PLB1: variants seen among roughly 807,000 people sequenced by gnomAD.
PLB1 encodes the protein phospholipase B1.
Under a neutral mutation model 227.4 loss-of-function variants are expected in PLB1, and 242 were observed. The observed-to-expected ratio is 1.06, with a 90% confidence interval of 0.96 to 1.18. The LOEUF is 1.18. Among genes scored for constraint, PLB1 ranks in the 50% most tolerant of loss-of-function variants. The probability of loss-of-function intolerance (pLI) is 0.00; values close to 1 mark genes in which losing one functional copy is unlikely to be tolerated. For synonymous variants in PLB1, 757 were observed against 682.2 expected (o/e 1.11, Z -1.71); for missense variants, 1,858 against 1,816.3 (o/e 1.02, Z -0.42).
intron 9 of PLB1, among the ~76,000 whole-genome samples, chr2:28,534,616 G>A (rs1223455776): frequency 1.3e-5 from 2 of 152,214 alleles, no homozygotes; most frequent in African/African-American, 4.8e-5. Context: ...AGCACTTTAG[G>A]AGGCCGAGGC....
At chr2:28,572,551 G>A (rs2091506) in intron 20 of PLB1, among the ~76,000 whole-genome samples, 115,006 of 152,170 alleles carry the variant, frequency 0.76, 44,362 homozygotes, top group Non-Finnish European at 0.83. Context: ...TATCCATCCA[G>A]TGGAATATCA....
chr2:28,608,504 C>A (rs1447285679), intron 43 of PLB1, among the ~76,000 whole-genome samples: 1 of 152,214 alleles, frequency 6.6e-6, no homozygotes, highest in Non-Finnish European at 1.5e-5. Context: ...AGTCTAACTG[C>A]TCATACGTTC....
intron 14 of PLB1, among the ~76,000 whole-genome samples, chr2:28,545,323 G>A (rs945387590): frequency 6.6e-6 from 1 of 152,200 alleles, no homozygotes; most frequent in African/African-American, 2.4e-5. Flanking sequence ...AGACAGGATA[G>A]GAGGGGGTTC....
intron 18 of PLB1, among the ~76,000 whole-genome samples, chr2:28,564,937 T>TA (rs1489340441): frequency 6.6e-6 from 1 of 152,190 alleles, no homozygotes; most frequent in African/African-American, 2.4e-5. Flanking sequence ...TTCACAACTT[T>TA]AAAAAAATGA....
chr2:28,593,130 T>C (rs1682275997), intron 32 of PLB1, among the ~76,000 whole-genome samples: 1 of 152,210 alleles, frequency 6.6e-6, no homozygotes, highest in Non-Finnish European at 1.5e-5. Flanking sequence ...TCCTTAGTTG[T>C]GGATGAAGCT....
chr2:28,562,903 C>CT, intron 17 of PLB1, 138 bp from the exon 18 acceptor site: 1 of 787,832 alleles, frequency 1.3e-6, no homozygotes. Context: ...TTTTTCCTAT[C>CT]TTTTATCCAA....
At chr2:28,552,255 T>C (rs1572924999) in intron 16 of PLB1, among the ~76,000 whole-genome samples, 1 of 151,960 alleles carries the variant, frequency 6.6e-6, no homozygotes, top group Non-Finnish European at 1.5e-5. Context: ...CTGAGGCAGA[T>C]TGATGGGAGG....
At position 28,630,630 on chromosome 2, in the gene PLB1, A is replaced by T. The variant is rs1477995778; in HGVS notation, c.3863A>T (p.Lys1288Met). 1.2e-6 allele frequency: 2 copies of T among 1,613,658 alleles called. No individual in the cohort carries two copies. The highest frequency in any genetic ancestry group is 1.7e-6 in the Non-Finnish European group (2 of 1,179,800). ...AGACACTCGCAAAGCTCCCTGGAGA[A>T]GCAAGAACTGAAGAAAGTGAACTGG... ...CLRHSQSSLE[K>M]QELKKVNWNL... Residue 1288 changes from lysine to methionine, a missense_variant, in exon 54 of 58, where the codon AAG becomes ATG. Coordinates refer to ENST00000327757, the MANE Select transcript of PLB1 (RefSeq NM_153021.5).
chr2:28,542,146 A>C (rs527436167), intron 13 of PLB1, among the ~76,000 whole-genome samples: 50 of 151,808 alleles, frequency 3.3e-4, no homozygotes, highest in African/African-American at 1.1e-3. Flanking sequence ...AAAAAAAAAA[A>C]AAAGTGTGAA....
chr2:28,640,280 G>A (rs966774794), intron 56 of PLB1, among the ~76,000 whole-genome samples: 1 of 152,152 alleles, frequency 6.6e-6, no homozygotes, highest in Non-Finnish European at 1.5e-5. Context: ...TGGCTAAAAG[G>A]TGCCGGGGAG....
At chr2:28,523,376 A>T (rs1387503293) in intron 4 of PLB1, among the ~76,000 whole-genome samples, 1 of 130,802 alleles carries the variant, frequency 7.6e-6, no homozygotes, top group Non-Finnish European at 1.6e-5. Context: ...AGTGTCATAG[A>T]TATTTTTCCT....
At chr2:28,600,362 C>T (rs770848626) in intron 35 of PLB1, among the ~76,000 whole-genome samples, 11 of 152,126 alleles carry the variant, frequency 7.2e-5, no homozygotes, top group Non-Finnish European at 1.5e-4. Context: ...GCCTGTGTGT[C>T]GATATGAACA....
At chr2:28,569,084 C>CT (rs1677559336) in intron 20 of PLB1, among the ~76,000 whole-genome samples, 1 of 152,224 alleles carries the variant, frequency 6.6e-6, no homozygotes, top group African/African-American at 2.4e-5. Flanking sequence ...TCCAGTCCAT[C>CT]TGTGCTGAGT....
In PLB1 at chr2:28,532,189, C is replaced by T. The variant is rs371423866; in HGVS notation, c.550C>T (p.Gln184Ter). The T allele has an allele frequency of 1.2e-5, 20 of 1,609,794 alleles. No individual in the cohort carries two copies. The African/African-American group carries it at 2.0e-4, about 16-fold the overall frequency. ...ASQCYLCPSA[Q>*]QNGLAAGGVD... ...CCAGTGTTACCTGTGCCCCTCTGCTCAACAGGTAAATGGCAGCCTTGGGGA... is the reference window on the plus strand; with the variant it reads ...CCAGTGTTACCTGTGCCCCTCTGCTTAACAGGTAAATGGCAGCCTTGGGGA... The change falls in exon 9 of 58, where the codon CAA (glutamine) becomes TAA (stop). Residue 184 changes from glutamine to a stop codon, truncating the protein, a stop_gained. Transcript: ENST00000327757. LOFTEE classifies it high-confidence loss of function.
chr2:28,548,877 G>A lies in PLB1; in HGVS notation c.954G>A (p.Glu318=), dbSNP rs1673731697. The A allele has an allele frequency of 1.2e-6, 2 of 1,614,016 alleles. No individual in the cohort carries two copies. Among genetic ancestry groups the A allele is most frequent in the African/African-American group, 1.3e-5 (1 of 74,906 alleles). ...LWNRMMEPAG[E]KDEPLSVKHG... ...CTTTCTAGATGGAGCCAGCAGGAGA[G>A]AAAGATGAGCCATTGAGTGTAAAAC... The change falls in exon 15 of 58, where the codon GAG becomes GAA. Residue 318 remains glutamate, a synonymous_variant. Transcript: ENST00000327757.
chr2:28,621,076 C>A, intron 49 of PLB1, 98 bp downstream of exon 49: 1 of 984,490 alleles, frequency 1.0e-6, no homozygotes, highest in Non-Finnish European at 1.5e-6. Context: ...AAGCCTGGTC[C>A]CAGGGGCAAT....
intron 50 of PLB1, 86 bp downstream of exon 50, chr2:28,625,194 C>T: frequency 3.2e-6 from 4 of 1,259,882 alleles, no homozygotes; most frequent in Non-Finnish European, 4.6e-6. Flanking sequence ...GTCCCTCTCA[C>T]CACAGCACTT....
At position 28,598,729 on chromosome 2, in the gene PLB1, C is replaced by A. The variant is rs971311219; in HGVS notation, c.2443C>A (p.Leu815Ile). The A allele has an allele frequency of 1.2e-6, 2 of 1,614,060 alleles. No homozygotes were observed. The highest frequency in any genetic ancestry group is 1.7e-6 in the Non-Finnish European group (2 of 1,180,000). The change falls in exon 35 of 58, where the codon CTC (leucine) becomes ATC (isoleucine). Residue 815 changes from leucine (L) to isoleucine (I), a missense_variant. Physicochemically the swap from Leu to Ile is conservative, Grantham distance 5. Coordinates refer to ENST00000327757, the MANE Select transcript of PLB1 (RefSeq NM_153021.5). ...TGATGCCAATGACACGAATGCATTCCTCAATCAAGCTGTTCCCGGAGCAAA... is the reference window on the plus strand; with the variant it reads ...TGATGCCAATGACACGAATGCATTCATCAATCAAGCTGTTCCCGGAGCAAA... ...TGDANDTNAF[L>I]NQAVPGAKAE...
intron 54 of PLB1, among the ~76,000 whole-genome samples, chr2:28,631,680 G>A (rs770328768): frequency 3.9e-4 from 60 of 152,212 alleles, no homozygotes; most frequent in Non-Finnish European, 6.8e-4. Flanking sequence ...CGTGCAGTGA[G>A]AGGAGGGGAG....
Sources: gnomAD v4.1 joint callset for allele counts (sites outside exome capture counted in the v4.1 genomes callset) on GRCh38, gnomAD v4.1.1 for gene constraint, MANE v1.5 for transcripts, NCBI Gene and HGNC (gene_info 2026-07-23, HGNC 2026-07-21) for gene names.